Variants in DCTN1 observed in about 807,000 individuals in gnomAD.
DCTN1 encodes the protein dynactin subunit 1.
Under a neutral mutation model 161.2 loss-of-function variants are expected in DCTN1, and 61 were observed. The ratio of observed to expected loss-of-function variants is 0.38; its 90% confidence interval spans 0.31 to 0.47. The LOEUF (loss-of-function observed/expected upper bound fraction) is 0.47, where lower values mean the gene tolerates loss of function less well. DCTN1 is among the 20% of genes least tolerant of loss of function. The pLI, the probability that DCTN1 is intolerant of heterozygous loss-of-function variation, is 0.99. For synonymous variants in DCTN1, 653 were observed against 632.4 expected (o/e 1.03, Z -0.49); for missense variants, 1,404 against 1,623.7 (o/e 0.86, Z 2.33).
intron 26 of DCTN1, chr2:74,363,955 A>AG: frequency 2.3e-6 from 1 of 441,514 alleles, no homozygotes; most frequent in Non-Finnish European, 4.2e-6. Flanking sequence ...ATCTCCAAGA[A>AG]GGGCACGGAG....
rs1186802606 is a variant in DCTN1, at chr2:74,366,249, T to C, written c.2755A>G (p.Ser919Gly). ...EGEYDAERPP[S>G]KPPPVELRAA... ...CCAAGGAAATCTCCACCTACCTTGC[T>C]GGGGGGCCGCTCTGCATCATACTCC... The change falls in exon 23 of 32, where the codon AGC (serine) becomes GGC (glycine). Residue 919 changes from serine to glycine, a missense_variant. Transcript: ENST00000628224. 6.2e-7 allele frequency: 1 copy of C among 1,614,112 alleles called. No homozygotes were observed. Among genetic ancestry groups the C allele is most frequent in the Non-Finnish European group, 8.5e-7 (1 of 1,179,998 alleles).
rs1674770013 is a variant in DCTN1, at chr2:74,370,652, T to TAA, written c.1015_1016dup (p.Leu339PhefsTer2). 1.2e-6 allele frequency: 2 copies of TAA among 1,614,094 alleles called. No homozygotes were observed. The highest frequency in any genetic ancestry group is 2.7e-5 in the African/African-American group (2 of 74,928). The stretch of plus-strand genomic sequence containing the variant: ...CTTCAATCTCAGCCTTGAGGATCTC[T>TAA]AAGTCAGTAGTGAGCTCGTCCACCC... On this transcript the variant is annotated frameshift_variant, in exon 10 of 32. Transcript: ENST00000628224. LOFTEE classifies it high-confidence loss of function. This position sits in a 1 kb window ranked among gnomAD's most constrained non-coding sequence, Gnocchi z 4.4.
rs565824388 is a variant in DCTN1 at position 74,373,051 on chromosome 2, C to T, written c.433-103G>A. The T allele has an allele frequency of 2.5e-5, 28 of 1,106,620 alleles. No individual in the cohort carries two copies. The South Asian group carries it at 3.4e-4, about 13-fold the overall frequency. The allele number at this position is 1,106,620 out of a possible 1,614,324, so 68.6% of individuals were successfully genotyped here. On this transcript the variant is annotated intron_variant, in intron 6 of 31. Transcript: ENST00000628224. Reference sequence around the variant, plus strand: ...ACAGCAATGAGAGCAGAAGAAATAACAGGAATGGGGCTACAGTTAGCCACC... The same window carrying T: ...ACAGCAATGAGAGCAGAAGAAATAATAGGAATGGGGCTACAGTTAGCCACC...
chr2:74,369,294 A>G lies in DCTN1; in HGVS notation c.1584+6T>C. 1.2e-6 allele frequency: 2 copies of G among 1,614,172 alleles called. No individual in the cohort carries two copies. Among genetic ancestry groups the G allele is most frequent in the Non-Finnish European group, 1.7e-6 (2 of 1,180,034 alleles). On this transcript the variant is annotated splice_donor_region_variant and intron_variant, in intron 14 of 31. Coordinates refer to ENST00000628224, the MANE Select transcript of DCTN1 (RefSeq NM_004082.5). This position sits in a 1 kb window ranked among gnomAD's most constrained non-coding sequence, Gnocchi z 4.9. The stretch of plus-strand genomic sequence containing the variant: ...GGTGGGCAGAGAGCAAACAGTGGGC[A>G]TGTACCTGTAGATGGGCGGTCAGCT...
chr2:74,371,234 T>A, intron 8 of DCTN1, 58 bp from the exon 9 acceptor site: 1 of 1,607,902 alleles, frequency 6.2e-7, no homozygotes, highest in Admixed American at 1.7e-5. Context: ...CCACCAACAC[T>A]GAGCTGGCGC....
upstream of DCTN1, among the ~76,000 whole-genome samples, chr2:74,382,040 G>A (rs1675532747): frequency 6.6e-6 from 1 of 152,108 alleles, no homozygotes; most frequent in African/African-American, 2.4e-5. Flanking sequence ...GAAACAACCT[G>A]ACCCAGAGCC....
At position 74,380,134 on chromosome 2, in the gene DCTN1, A is replaced by G; in HGVS notation, c.-97T>C. Reference sequence around the variant, plus strand: ...GAGGGTCAGGGCGCTGGGCCCTCATAGAGGGACACAGGAGTCGTCAGGCAC... The same window carrying G: ...GAGGGTCAGGGCGCTGGGCCCTCATGGAGGGACACAGGAGTCGTCAGGCAC... On this transcript the variant is annotated 5_prime_UTR_variant, in exon 1 of 32. Coordinates refer to ENST00000628224, the MANE Select transcript of DCTN1 (RefSeq NM_004082.5). 7.4e-7 allele frequency: 1 copy of G among 1,352,248 alleles called. No homozygotes were observed. Among genetic ancestry groups the G allele is most frequent in the South Asian group, 1.2e-5 (1 of 85,180 alleles). 83.8% of individuals were successfully genotyped at this position (1,352,248 alleles called of 1,614,324 possible).
At chr2:74,383,959 G>A (rs1390585347), upstream of DCTN1, among the ~76,000 whole-genome samples, 3 of 152,144 alleles carry the variant, frequency 2.0e-5, no homozygotes, top group East Asian at 1.9e-4. Flanking sequence ...GATGACTTGC[G>A]CACAGTAGGA....
rs1401979560 is a variant in DCTN1, at chr2:74,362,116, G to A, written c.3635C>T (p.Ser1212Phe). 1 of 1,613,764 alleles carries A rather than the reference G, an allele frequency of 6.2e-7. No individual in the cohort carries two copies. Among genetic ancestry groups the A allele is most frequent in the Admixed American group, 1.7e-5 (1 of 59,994 alleles). The change falls in exon 31 of 32, where the codon TCT becomes TTT. Residue 1212 changes from serine (S) to phenylalanine (F), a missense_variant. This residue lies in a region of DCTN1 where 311 missense variants were observed against 298.9 expected (regional missense o/e 1.04). Coordinates refer to ENST00000628224, the MANE Select transcript of DCTN1 (RefSeq NM_004082.5). ...LKDEVLKETV[S>F]QRPGATVPTD... ...GGGTACTGTGGCTCCAGGGCGCTGA[G>A]ATACTGTCTCCTTGAGGACCTCATC...
In DCTN1 at chr2:74,380,126, G is replaced by T. The variant is rs1675445928; in HGVS notation, c.-89C>A. 1 of 1,457,038 alleles carries T rather than the reference G, an allele frequency of 6.9e-7. No individual in the cohort carries two copies. The highest frequency in any genetic ancestry group is 1.1e-5 in the South Asian group (1 of 87,576). 90.3% of individuals were successfully genotyped at this position (1,457,038 alleles called of 1,614,324 possible). A position where few individuals can be genotyped will look rare whatever the true frequency, so the allele number is the denominator to read the frequency against. ...CTAGGCAGGAGGGTCAGGGCGCTGG[G>T]CCCTCATAGAGGGACACAGGAGTCG... On this transcript the variant is annotated 5_prime_UTR_variant, in exon 1 of 32. Coordinates refer to ENST00000628224, the MANE Select transcript of DCTN1 (RefSeq NM_004082.5).
intron 4 of DCTN1, among the ~76,000 whole-genome samples, 156 bp from the exon 5 acceptor site, chr2:74,376,918 T>C (rs1268793332): frequency 1.3e-5 from 2 of 152,154 alleles, no homozygotes; most frequent in East Asian, 1.9e-4. Flanking sequence ...TGTTCACACC[T>C]TGGCCCAGAG....
chr2:74,374,588 C>T, intron 5 of DCTN1: 1 of 1,292,482 alleles, frequency 7.7e-7, no homozygotes, highest in Non-Finnish European at 1.0e-6. Flanking sequence ...CGCAGACGTG[C>T]AGCTGGATCG....
rs1031141306 is a variant in DCTN1, at chr2:74,370,970, G to A, written c.843+9C>T. 8.7e-6 allele frequency: 14 copies of A among 1,613,616 alleles called. No individual in the cohort carries two copies. The highest frequency in any genetic ancestry group is 1.3e-5 in the African/African-American group (1 of 74,928). On this transcript the variant is annotated intron_variant, in intron 9 of 31. Transcript: ENST00000628224. This position sits in a 1 kb window ranked among gnomAD's most constrained non-coding sequence, Gnocchi z 4.4. ...CTGCCCCAGCCACCCCCTTCATCCAGAGTCAAACCTTTCTCGCCTCCTTGA... is the reference window on the plus strand; with the variant it reads ...CTGCCCCAGCCACCCCCTTCATCCAAAGTCAAACCTTTCTCGCCTCCTTGA...
intron 1 of DCTN1, chr2:74,390,566 G>T: frequency 4.7e-6 from 2 of 427,038 alleles, no homozygotes; most frequent in South Asian, 1.7e-5. Context: ...TTGAGATCTT[G>T]TAGTCCAGAC....
intron 26 of DCTN1, 79 bp downstream of exon 26, chr2:74,364,996 G>A: frequency 6.3e-7 from 1 of 1,582,714 alleles, no homozygotes; most frequent in South Asian, 1.1e-5. Flanking sequence ...GGGGGGTGGG[G>A]CAGAGGTCAA....
chr2:74,375,912 T>C (rs1440665687), intron 5 of DCTN1, among the ~76,000 whole-genome samples: 5 of 152,162 alleles, frequency 3.3e-5, no homozygotes, highest in Admixed American at 6.5e-5. Context: ...AATGTCAGAA[T>C]GGCCTGAGAT....
chr2:74,386,060 T>C (rs1048372127), intron 1 of DCTN1, among the ~76,000 whole-genome samples: 1 of 152,194 alleles, frequency 6.6e-6, no homozygotes, highest in Non-Finnish European at 1.5e-5. Flanking sequence ...GTCAGGATGC[T>C]GGAAAAATCA....
Position 74,366,531 on chromosome 2 carries a change from A to C in DCTN1, c.2556T>G (p.Ile852Met). 6.2e-7 allele frequency: 1 copy of C among 1,614,148 alleles called. No individual in the cohort carries two copies. Among genetic ancestry groups the C allele is most frequent in the Non-Finnish European group, 8.5e-7 (1 of 1,180,000 alleles). The change falls in exon 22 of 32, where the codon ATT becomes ATG. Residue 852 changes from isoleucine (I) to methionine (M), a missense_variant. This residue lies in a region of DCTN1 where 475 missense variants were observed against 489.8 expected (regional missense o/e 0.97). Coordinates refer to ENST00000628224, the MANE Select transcript of DCTN1 (RefSeq NM_004082.5). The part of the protein sequence containing the change: ...QEVAAAAAQL[I>M]APLAENEGLL... ...GCCCCTCATTCTCTGCCAGTGGGGC[A>C]ATGAGCTGGGCAGCAGCAGCTGCCA... is the stretch of plus-strand genomic sequence containing the variant.
At chr2:74,365,483 G>A in intron 25 of DCTN1, 32 bp downstream of exon 25, 5 of 1,614,078 alleles carry the variant, frequency 3.1e-6, no homozygotes, top group Non-Finnish European at 3.4e-6. Flanking sequence ...GGGAGGATTA[G>A]AGGAAGCAAG....
Sources: gnomAD v4.1 joint callset for allele counts (sites outside exome capture counted in the v4.1 genomes callset) on GRCh38, gnomAD v4.1.1 for gene constraint, gnomAD v4.1.1 regional missense constraint, Gnocchi (gnomAD v3.1) non-coding constraint, MANE v1.5 for transcripts, NCBI Gene and HGNC (gene_info 2026-07-23, HGNC 2026-07-21) for gene names.